Variants in ADGRL2 observed in about 807,000 individuals in gnomAD.
ADGRL2 encodes calcium-independent alpha-latrotoxin receptor 2.
A neutral mutation model predicts 157.4 loss-of-function variants in ADGRL2; 44 were observed. The observed-to-expected ratio is 0.28, with a 90% CI of 0.22 to 0.36. ADGRL2 has a LOEUF of 0.36. Among genes scored for constraint, ADGRL2 ranks in the 10% least tolerant of loss-of-function variants. The pLI, the probability that ADGRL2 is intolerant of heterozygous loss-of-function variation, is 1.00. For missense variants in ADGRL2, 1,510 were observed against 1,768.9 expected, an observed-to-expected ratio of 0.85 and a Z score of 2.63; for synonymous variants, 585 against 624.7, an observed-to-expected ratio of 0.94 and a Z score of 0.95.
chr1:81,429,001 C>A (rs1455948782), intron 1 of ADGRL2, among the ~76,000 whole-genome samples: 1 of 152,116 alleles, frequency 6.6e-6, no homozygotes, highest in Non-Finnish European at 1.5e-5. Context: ...AGCCCCGATG[C>A]CTAGAAGTAG....
chr1:81,311,440 T>C (rs545025445), intron 1 of ADGRL2, among the ~76,000 whole-genome samples: 62 of 152,308 alleles, frequency 4.1e-4, no homozygotes, highest in African/African-American at 1.4e-3. Context: ...GGTCATATTC[T>C]TGTATTCCCA....
intron 2 of ADGRL2, among the ~76,000 whole-genome samples, chr1:81,871,338 T>C (rs1249475170): frequency 1.3e-5 from 2 of 152,142 alleles, no homozygotes; most frequent in South Asian, 2.1e-4. Context: ...CTATCATTGA[T>C]GGACATTTGG....
intron 1 of ADGRL2, among the ~76,000 whole-genome samples, chr1:81,307,166 T>C (rs544929476): frequency 1.3e-5 from 2 of 152,212 alleles, no homozygotes; most frequent in Non-Finnish European, 2.9e-5. Flanking sequence ...CAGAAAAGTT[T>C]AATGTAGCAA....
At chr1:81,346,148 G>T (rs924372897) in intron 1 of ADGRL2, among the ~76,000 whole-genome samples, 3 of 152,140 alleles carry the variant, frequency 2.0e-5, no homozygotes, top group African/African-American at 7.2e-5. Context: ...AGTGGAGGAT[G>T]AGGTAAAAGG....
Position 81,954,032 on chromosome 1 carries a change from G to A in ADGRL2, c.1833+1007G>A, listed in dbSNP as rs557893960. On this transcript the variant is annotated intron_variant, in intron 10 of 23. Transcript: ENST00000686636. ...AAGGTAGTAGGAAAGTCTGTTTTTA[G>A]GTAATAATGGTCTGAAAGTCCCCTT... 2.6e-5 allele frequency among the ~76,000 whole-genome samples: 4 copies of A among 152,208 alleles called. No homozygotes were observed. In the East Asian group the frequency reaches 7.7e-4, roughly 29 times the overall value.
At chr1:81,398,885 T>A (rs1047825388) in intron 1 of ADGRL2, among the ~76,000 whole-genome samples, 1 of 152,202 alleles carries the variant, frequency 6.6e-6, no homozygotes, top group African/African-American at 2.4e-5. Flanking sequence ...TTATAGAGAA[T>A]CTTTGGGGTT....
At chr1:81,469,481 C>T (rs2078126308) in intron 2 of ADGRL2, among the ~76,000 whole-genome samples, 1 of 152,128 alleles carries the variant, frequency 6.6e-6, no homozygotes, top group African/African-American at 2.4e-5. Context: ...TCTTTCATCC[C>T]CTAAATTACT....
rs558669516 is a variant in ADGRL2, at chr1:81,758,634, T to C, written c.-142-3177T>C. ...ACCTTAATTCCTAGATCTAAATCTGTGGCGTGGTTCTATCACCTTTTCTAC... is the reference window on the plus strand; with the variant it reads ...ACCTTAATTCCTAGATCTAAATCTGCGGCGTGGTTCTATCACCTTTTCTAC... On this transcript the variant is annotated intron_variant, in intron 1 of 20. Transcript: ENST00000359929. Among the ~76,000 whole-genome samples, 8 of 152,228 alleles carry C rather than the reference T, an allele frequency of 5.3e-5. No homozygotes were observed. The South Asian group carries it at 1.4e-3, about 28-fold the overall frequency.
intron 3 of ADGRL2, among the ~76,000 whole-genome samples, chr1:81,653,921 A>G (rs1269870536): frequency 6.6e-6 from 1 of 151,840 alleles, no homozygotes; most frequent in Non-Finnish European, 1.5e-5. Context: ...CTCAGAGTTC[A>G]GCTTCTTTCT....
intron 3 of ADGRL2, among the ~76,000 whole-genome samples, chr1:81,592,413 C>G (rs1287183038): frequency 6.6e-6 from 1 of 152,196 alleles, no homozygotes; most frequent in Non-Finnish European, 1.5e-5. Flanking sequence ...AGTTTGCTGA[C>G]CCCTGATCTT....
chr1:81,943,002 T>G lies in ADGRL2; in HGVS notation c.443T>G (p.Val148Gly). 6.2e-7 allele frequency: 1 copy of G among 1,613,046 alleles called. No individual in the cohort carries two copies. Among genetic ancestry groups the G allele is most frequent in the Non-Finnish European group, 8.5e-7 (1 of 1,179,264 alleles). The change falls in exon 6 of 24, where the codon GTG becomes GGG. Residue 148 changes from valine (V) to glycine (G), a missense_variant. Val to Gly is a moderately radical substitution (Grantham distance 109). This residue lies in a region of ADGRL2 where 361 missense variants were observed against 498.4 expected (regional missense o/e 0.72). Coordinates refer to ENST00000686636, the MANE Select transcript of ADGRL2 (RefSeq NM_001366006.2). The surrounding 1 kb of genome is among the most constrained non-coding windows in gnomAD (Gnocchi z 5.6). ...TGTCCTGGGACCTTGAAAGCAATTGTGGACTCACCATGTATATATGAAGCT... is the reference window on the plus strand; with the variant it reads ...TGTCCTGGGACCTTGAAAGCAATTGGGGACTCACCATGTATATATGAAGCT... ...FVCPGTLKAIVDSPCIYEAEQ... is the reference protein window; with the variant it reads ...FVCPGTLKAIGDSPCIYEAEQ...
chr1:81,852,205 T>C (rs943844056), intron 2 of ADGRL2, among the ~76,000 whole-genome samples: 4 of 152,034 alleles, frequency 2.6e-5, no homozygotes, highest in African/African-American at 9.7e-5. Flanking sequence ...CAGACTTTAT[T>C]CCTGCATGGT....
At chr1:81,944,899 C>G (rs182305442) in intron 6 of ADGRL2, among the ~76,000 whole-genome samples, 2 of 152,110 alleles carry the variant, frequency 1.3e-5, no homozygotes, top group Admixed American at 1.3e-4. Flanking sequence ...ACCTCAAAAG[C>G]AGAAGTCACA....
At chr1:81,890,305 G>C (rs2151409495) in intron 2 of ADGRL2, among the ~76,000 whole-genome samples, 1 of 152,286 alleles carries the variant, frequency 6.6e-6, no homozygotes, top group South Asian at 2.1e-4. Context: ...ATTCCATAGT[G>C]TAAACAGATT....
intron 1 of ADGRL2, chr1:81,444,968 G>A (rs186516043): frequency 7.9e-5 from 12 of 152,208 alleles, no homozygotes; most frequent in Admixed American, 7.2e-4. Flanking sequence ...CAATTTCATT[G>A]ATAATCTTTT....
At chr1:81,674,408 C>T (rs2082940453) in intron 3 of ADGRL2, among the ~76,000 whole-genome samples, 1 of 152,206 alleles carries the variant, frequency 6.6e-6, no homozygotes, top group Non-Finnish European at 1.5e-5. Context: ...ATTGCCAGTG[C>T]ATGGTGCTGT....
At chr1:81,762,766 C>G (rs1429296735) in intron 2 of ADGRL2, among the ~76,000 whole-genome samples, 1 of 151,922 alleles carries the variant, frequency 6.6e-6, no homozygotes, top group Non-Finnish European at 1.5e-5. Flanking sequence ...AAAAAAGACA[C>G]AAAAGGCCAG....
chr1:81,345,485 T>G (rs1328094761), intron 1 of ADGRL2, among the ~76,000 whole-genome samples: 2 of 152,228 alleles, frequency 1.3e-5, no homozygotes, highest in African/African-American at 2.4e-5. Flanking sequence ...AATCAATCCC[T>G]TCCTCAAAGT....
At chr1:81,588,560 A>G (rs1273891429) in intron 3 of ADGRL2, 2 of 152,104 alleles carry the variant, frequency 1.3e-5, no homozygotes, top group East Asian at 1.9e-4. Flanking sequence ...GTTCCTCCTT[A>G]TGGGTGACTA....
Sources: gnomAD v4.1 joint callset for allele counts (sites outside exome capture counted in the v4.1 genomes callset) on GRCh38, gnomAD v4.1.1 for gene constraint, gnomAD v4.1.1 regional missense constraint, Gnocchi (gnomAD v3.1) non-coding constraint, MANE v1.5 for transcripts, NCBI Gene and HGNC (gene_info 2026-07-23, HGNC 2026-07-21) for gene names.